The following UBTD1 variants were observed in gnomAD, a reference collection of about 807,000 sequenced individuals.
UBTD1 encodes ubiquitin domain containing 1.
In UBTD1, 19 loss-of-function variants were observed where a neutral mutation model predicts 21.7. That is an observed-to-expected ratio of 0.87 (90% confidence interval 0.61 to 1.28). The LOEUF (loss-of-function observed/expected upper bound fraction) is 1.28, where lower values mean the gene tolerates loss of function less well. Among genes scored for constraint, UBTD1 ranks in the 50% most tolerant of loss-of-function variants. The probability of loss-of-function intolerance (pLI) is 0.00; values close to 1 mark genes in which losing one functional copy is unlikely to be tolerated. For missense variants in UBTD1, 282 were observed against 315.1 expected, an observed-to-expected ratio of 0.89 and a Z score of 0.80; for synonymous variants, 116 against 135.1, an observed-to-expected ratio of 0.86 and a Z score of 0.98.
chr10:97,530,239 G>A (rs1231245247), intron 1 of UBTD1, among the ~76,000 whole-genome samples: 3 of 151,866 alleles, frequency 2.0e-5, no homozygotes, highest in Admixed American at 6.6e-5. Flanking sequence ...TGGATGAATC[G>A]ATGAATGAAT....
At chr10:97,566,680 G>A (rs1056361731) in intron 1 of UBTD1, among the ~76,000 whole-genome samples, 3 of 152,198 alleles carry the variant, frequency 2.0e-5, no homozygotes, top group African/African-American at 4.8e-5. Flanking sequence ...AGCGGAGATC[G>A]CTGCCTGCAA....
chr10:97,515,531 G>C (rs2040440144), intron 1 of UBTD1, among the ~76,000 whole-genome samples: 1 of 152,174 alleles, frequency 6.6e-6, no homozygotes, highest in Non-Finnish European at 1.5e-5. Context: ...TTATGATAGG[G>C]CTTCATGGAG....
chr10:97,517,863 G>A (rs976083168), intron 1 of UBTD1, among the ~76,000 whole-genome samples: 26 of 152,274 alleles, frequency 1.7e-4, no homozygotes, highest in African/African-American at 6.0e-4. Flanking sequence ...GAGATCCCTG[G>A]TGGTGCTGTG....
At chr10:97,540,348 G>T (rs1309377840) in intron 1 of UBTD1, among the ~76,000 whole-genome samples, 2 of 152,198 alleles carry the variant, frequency 1.3e-5, no homozygotes, top group Non-Finnish European at 2.9e-5. Context: ...TCCCACCTAC[G>T]TTCTGAGCGC....
chr10:97,543,987 G>C (rs960958421), intron 1 of UBTD1, among the ~76,000 whole-genome samples: 1 of 152,028 alleles, frequency 6.6e-6, no homozygotes, highest in Admixed American at 6.6e-5. Flanking sequence ...AGACGGTAAA[G>C]AATCTGGAGA....
chr10:97,556,138 C>T (rs947254756), intron 1 of UBTD1, among the ~76,000 whole-genome samples: 2 of 152,132 alleles, frequency 1.3e-5, no homozygotes, highest in African/African-American at 4.8e-5. Context: ...GAGCAGTAAG[C>T]AGGTTCCTAT....
At chr10:97,506,824 C>T (rs1222670578) in intron 1 of UBTD1, among the ~76,000 whole-genome samples, 1 of 152,188 alleles carries the variant, frequency 6.6e-6, no homozygotes, top group East Asian at 1.9e-4. Flanking sequence ...CATGGTGTAG[C>T]ATGTGTCAGA....
rs141075017 is a variant in UBTD1 at position 97,526,384 on chromosome 10, G to A, written c.70+27111G>A. Among the ~76,000 whole-genome samples the A allele has an allele frequency of 1.1e-3, 168 of 152,264 alleles. 1 individual carries two copies. Among genetic ancestry groups the A allele is most frequent in the African/African-American group, 3.6e-3 (151 of 41,554 alleles). On this transcript the variant is annotated intron_variant, in intron 1 of 2. Transcript: ENST00000370664. ...TATGCACTAAGACTTTGATTCTAGC[G>A]TGAAAAATGGAAAGTCTAAATGTGT...
chr10:97,534,579 GCACACACACA>G lies in UBTD1; in HGVS notation c.71-33311_71-33302del, dbSNP rs58308271. Among the ~76,000 whole-genome samples the G allele has an allele frequency of 7.2e-3, 1,048 of 145,324 alleles. 8 individuals are homozygous for G. The highest frequency in any genetic ancestry group is 0.011 in the Non-Finnish European group (706 of 66,832). On this transcript the variant is annotated intron_variant, in intron 1 of 2. Coordinates refer to ENST00000370664, the MANE Select transcript of UBTD1 (RefSeq NM_024954.5). ...CACTAAGGAACACACACGCGCGCGCGCACACACACACACACACACACACACACACACACCA... is the reference window on the plus strand; with the variant it reads ...CACTAAGGAACACACACGCGCGCGCGCACACACACACACACACACACACCA...
At chr10:97,568,233 A>G (rs2040727778) in intron 2 of UBTD1, 92 bp downstream of exon 2, 1 of 1,361,764 alleles carries the variant, frequency 7.3e-7, no homozygotes, top group African/African-American at 1.4e-5. Flanking sequence ...GCGGTGGGGC[A>G]GGTGGTTACT....
intron 1 of UBTD1, among the ~76,000 whole-genome samples, chr10:97,513,620 G>A (rs1250715236): frequency 1.3e-5 from 2 of 152,214 alleles, no homozygotes; most frequent in East Asian, 1.9e-4. Context: ...GTGTGCTCAT[G>A]TAAAAAATGT....
intron 1 of UBTD1, among the ~76,000 whole-genome samples, chr10:97,553,039 C>A (rs2040647675): frequency 6.6e-6 from 1 of 152,254 alleles, no homozygotes; most frequent in African/African-American, 2.4e-5. Flanking sequence ...TTTCTCAGTA[C>A]CTCGCAGAGG....
Position 97,565,601 on chromosome 10 carries a change from A to G in UBTD1, c.71-2313A>G, listed in dbSNP as rs138429329. ...CAGGAGTTTGAGGCTGCAGTGAGCT[A>G]TGATCACACCACCGCACTCCAGACT... On this transcript the variant is annotated intron_variant, in intron 1 of 2. Coordinates refer to ENST00000370664, the MANE Select transcript of UBTD1 (RefSeq NM_024954.5). Among the ~76,000 whole-genome samples, 259 of 152,274 alleles carry G rather than the reference A, an allele frequency of 1.7e-3. 2 individuals carry two copies. The highest frequency in any genetic ancestry group is 0.014 in the Admixed American group (212 of 15,294).
chr10:97,570,539 CT>C lies in UBTD1; in HGVS notation c.*17del. 6.3e-7 allele frequency: 1 copy of C among 1,577,136 alleles called. No individual in the cohort carries two copies. The highest frequency in any genetic ancestry group is 8.7e-7 in the Non-Finnish European group (1 of 1,155,300). ...CCAGGACTGATGGGCCCACGGACCC[CT>C]GGGAAGAGGCCCCGCCTGGAGCACT... On this transcript the variant is annotated 3_prime_UTR_variant, in exon 3 of 3. Transcript: ENST00000370664. This position sits in a 1 kb window ranked among gnomAD's most constrained non-coding sequence, Gnocchi z 6.6.
chr10:97,536,842 G>T (rs916006235), intron 1 of UBTD1, among the ~76,000 whole-genome samples: 3 of 151,958 alleles, frequency 2.0e-5, no homozygotes, highest in Non-Finnish European at 4.4e-5. Context: ...CTTCCTGCTT[G>T]TCCAGTGGTG....
intron 1 of UBTD1, among the ~76,000 whole-genome samples, chr10:97,515,498 C>G (rs1357016666): frequency 2.0e-5 from 3 of 152,156 alleles, no homozygotes; most frequent in African/African-American, 7.2e-5. Flanking sequence ...CCAACTGAAT[C>G]CAGCTTAAGC....
chr10:97,542,459 C>T (rs1183299707), intron 1 of UBTD1, among the ~76,000 whole-genome samples: 1 of 152,216 alleles, frequency 6.6e-6, no homozygotes, highest in Non-Finnish European at 1.5e-5. Context: ...CCACTCATCC[C>T]CTTGTCTTGG....
At chr10:97,514,015 CT>C (rs57603791) in intron 1 of UBTD1, among the ~76,000 whole-genome samples, 357 of 143,766 alleles carry the variant, frequency 2.5e-3, no homozygotes, top group Middle Eastern at 3.5e-3. Context: ...TTCTTTCTTT[CT>C]TTTTTTTTTT....
intron 1 of UBTD1, among the ~76,000 whole-genome samples, chr10:97,517,008 C>T (rs1589869510): frequency 6.6e-6 from 1 of 152,030 alleles, no homozygotes; most frequent in Non-Finnish European, 1.5e-5. Flanking sequence ...AGAGGCAGGG[C>T]ACCTGGGAGG....
Sources: allele counts gnomAD v4.1 joint callset (sites outside exome capture counted in the v4.1 genomes callset), GRCh38; gene constraint gnomAD v4.1.1; non-coding constraint Gnocchi (gnomAD v3.1); transcripts MANE v1.5; gene names NCBI Gene and HGNC (gene_info 2026-07-23, HGNC 2026-07-21).